The following SLC24A2 variants were observed in gnomAD, a reference collection of about 807,000 sequenced individuals.
SLC24A2 encodes the protein solute carrier family 24 member 2, also known as sodium/potassium/calcium exchanger 2.
SLC24A2 carries 36 observed loss-of-function variants against 62.0 expected under a neutral mutation model. The observed-to-expected ratio is 0.58, with a 90% confidence interval of 0.44 to 0.77. The LOEUF (loss-of-function observed/expected upper bound fraction) is 0.77. SLC24A2 is among the 30% of genes least tolerant of loss of function. The probability of loss-of-function intolerance (pLI) is 0.00; values close to 1 mark genes in which losing one functional copy is unlikely to be tolerated. For missense variants in SLC24A2, 846 were observed against 817.9 expected (o/e 1.03, Z -0.42); for synonymous variants, 358 against 294.0 (o/e 1.22, Z -2.23).
the SLC24A2 span, among the ~76,000 whole-genome samples, chr9:20,204,075 G>A: frequency 1.3e-5 from 2 of 151,974 alleles, no homozygotes; most frequent in South Asian, 2.1e-4. Context: ...AAAGATAAAG[G>A]ACTAAATATG....
chr9:20,176,311 A>G, the SLC24A2 span, among the ~76,000 whole-genome samples: 1 of 152,066 alleles, frequency 6.6e-6, no homozygotes, highest in Non-Finnish European at 1.5e-5. Flanking sequence ...AGGTCAAATG[A>G]TTTATGATTT....
chr9:19,848,082 TCTTGC>T, the SLC24A2 span, among the ~76,000 whole-genome samples: 2 of 152,254 alleles, frequency 1.3e-5, no homozygotes, highest in Non-Finnish European at 2.9e-5. Context: ...TGTCATAATT[TCTTGC>T]CTTATTATTT....
chr9:19,710,639 A>C (rs575502290), intron 2 of SLC24A2, among the ~76,000 whole-genome samples: 1 of 152,288 alleles, frequency 6.6e-6, no homozygotes, highest in Admixed American at 6.5e-5. Flanking sequence ...AAGGAAAATG[A>C]TATGAGGGAT....
chr9:19,953,334 G>T, the SLC24A2 span, among the ~76,000 whole-genome samples: 3 of 151,928 alleles, frequency 2.0e-5, no homozygotes, highest in African/African-American at 4.8e-5. Context: ...AACAAAACAA[G>T]GAAAAATATT....
At chr9:20,200,456 C>A in the SLC24A2 span, among the ~76,000 whole-genome samples, 2 of 152,226 alleles carry the variant, frequency 1.3e-5, no homozygotes, top group Non-Finnish European at 2.9e-5. Flanking sequence ...ACAAATTTAT[C>A]CCGCTAAACC....
At chr9:19,952,065 G>A in the SLC24A2 span, among the ~76,000 whole-genome samples, 2 of 151,940 alleles carry the variant, frequency 1.3e-5, no homozygotes, top group East Asian at 3.8e-4. Context: ...TTATTCCCAA[G>A]TATTTTATTT....
intron 8 of SLC24A2, among the ~76,000 whole-genome samples, chr9:19,528,792 T>C (rs143607994): frequency 6.0e-4 from 91 of 152,288 alleles, no homozygotes; most frequent in Admixed American, 1.8e-3. Context: ...CGCCCAATTG[T>C]ACTGATTTCC....
the SLC24A2 span, among the ~76,000 whole-genome samples, chr9:20,284,356 C>G: frequency 1.3e-5 from 2 of 152,002 alleles, no homozygotes; most frequent in African/African-American, 4.8e-5. Flanking sequence ...TAGCTCACAG[C>G]AGGCTCGAAC....
At chr9:19,961,759 T>C in the SLC24A2 span, among the ~76,000 whole-genome samples, 2 of 152,234 alleles carry the variant, frequency 1.3e-5, no homozygotes, top group African/African-American at 4.8e-5. Flanking sequence ...GCCTCTCTCT[T>C]CTGGAGCTTA....
At chr9:19,772,208 T>C (rs1822710691) in intron 2 of SLC24A2, among the ~76,000 whole-genome samples, 1 of 152,222 alleles carries the variant, frequency 6.6e-6, no homozygotes. Context: ...AGGTTCTCTA[T>C]AATCAGGAAG....
At chr9:19,650,732 AC>A (rs2118155922) in intron 2 of SLC24A2, among the ~76,000 whole-genome samples, 1 of 152,280 alleles carries the variant, frequency 6.6e-6, no homozygotes, top group African/African-American at 2.4e-5. Flanking sequence ...GCACACACAC[AC>A]ACACAAATAA....
chr9:19,968,326 A>G, the SLC24A2 span, among the ~76,000 whole-genome samples: 8 of 152,152 alleles, frequency 5.3e-5, no homozygotes, highest in Non-Finnish European at 1.2e-4. Flanking sequence ...TTTAACCTAC[A>G]TCCTTGGAGC....
the SLC24A2 span, among the ~76,000 whole-genome samples, chr9:19,972,513 T>G: frequency 6.6e-6 from 1 of 152,164 alleles, no homozygotes; most frequent in Non-Finnish European, 1.5e-5. Context: ...TCCTTAAAGA[T>G]CAGTGCTATT....
intron 8 of SLC24A2, among the ~76,000 whole-genome samples, chr9:19,547,716 TG>T (rs892470738): frequency 4.6e-5 from 7 of 151,540 alleles, no homozygotes; most frequent in African/African-American, 1.5e-4. Flanking sequence ...CCCCATCTTC[TG>T]GGGGCCACAC....
At chr9:19,594,343 C>T (rs2132893687) in intron 5 of SLC24A2, among the ~76,000 whole-genome samples, 1 of 152,254 alleles carries the variant, frequency 6.6e-6, no homozygotes, top group East Asian at 1.9e-4. Context: ...ACAATAGGTG[C>T]TTAAAAATAA....
the SLC24A2 span, among the ~76,000 whole-genome samples, chr9:20,137,618 C>G: frequency 6.6e-6 from 1 of 152,164 alleles, no homozygotes; most frequent in Non-Finnish European, 1.5e-5. Context: ...GGCTTCTATT[C>G]CTTTCTATGC....
the SLC24A2 span, among the ~76,000 whole-genome samples, chr9:19,964,113 G>T: frequency 1.3e-5 from 2 of 150,770 alleles, no homozygotes; most frequent in Non-Finnish European, 2.9e-5. Context: ...GTAAACTATC[G>T]CAAGGACAAA....
the SLC24A2 span, among the ~76,000 whole-genome samples, chr9:20,228,439 T>C: frequency 2.0e-5 from 3 of 151,968 alleles, no homozygotes; most frequent in African/African-American, 4.8e-5. Flanking sequence ...GGAGCATGAA[T>C]TCCCAAGTAA....
chr9:19,934,432 G>C, the SLC24A2 span, among the ~76,000 whole-genome samples: 2 of 151,996 alleles, frequency 1.3e-5, no homozygotes, highest in East Asian at 3.9e-4. This position sits in a 1 kb window ranked among gnomAD's most constrained non-coding sequence, Gnocchi z 4.1. Flanking sequence ...GGACCCCCGC[G>C]CACCCCCGGG....
Sources: gnomAD v4.1 joint callset for allele counts (sites outside exome capture counted in the v4.1 genomes callset) on GRCh38, gnomAD v4.1.1 for gene constraint, Gnocchi (gnomAD v3.1) non-coding constraint, MANE v1.5 for transcripts, NCBI Gene and HGNC (gene_info 2026-07-23, HGNC 2026-07-21) for gene names.